Variants in ACOT11 observed in about 807,000 individuals in gnomAD.
ACOT11 encodes the protein acyl-CoA thioesterase 11, also known as acyl-coenzyme A thioesterase 11.
A neutral mutation model predicts 77.5 loss-of-function variants in ACOT11; 69 were observed. The ratio of observed to expected loss-of-function variants is 0.89; its 90% CI spans 0.73 to 1.09. The LOEUF is 1.09. Ranked by LOEUF, ACOT11 falls within the 50% of genes least tolerant of loss-of-function variation. The pLI is 0.00. For synonymous variants in ACOT11, 279 were observed against 313.0 expected, an observed-to-expected ratio of 0.89 and a Z score of 1.15; for missense variants, 766 against 813.7, an observed-to-expected ratio of 0.94 and a Z score of 0.71.
At chr1:54,611,817 A>C, downstream of ACOT11, 1 of 1,578,860 alleles carries the variant, frequency 6.3e-7, no homozygotes. Flanking sequence ...CTGTGCTCAG[A>C]ACTGGATGTC....
intron 16 of ACOT11, among the ~76,000 whole-genome samples, chr1:54,633,421 T>C (rs1157171717): frequency 6.6e-6 from 1 of 152,232 alleles, no homozygotes; most frequent in South Asian, 2.1e-4. Flanking sequence ...ACAGCCAGGA[T>C]TGCCTTCTCC....
intron 15 of ACOT11, among the ~76,000 whole-genome samples, chr1:54,608,435 G>A (rs999625677): frequency 2.6e-5 from 4 of 152,070 alleles, no homozygotes; most frequent in African/African-American, 9.7e-5. Context: ...TGGAAAACAT[G>A]GGGAGGAGGC....
At chr1:54,548,569 G>C (rs759787403) in intron 1 of ACOT11, 6 of 608,322 alleles carry the variant, frequency 9.9e-6, no homozygotes, top group Non-Finnish European at 1.5e-5. Flanking sequence ...CGGGCTGGCT[G>C]TGTAGAGTGG....
chr1:54,600,561 T>G (rs1473414394), intron 8 of ACOT11, among the ~76,000 whole-genome samples: 1 of 152,148 alleles, frequency 6.6e-6, no homozygotes, highest in Non-Finnish European at 1.5e-5. Context: ...CACACACCTG[T>G]AATCCCAGCT....
In ACOT11 at chr1:54,584,712, A is replaced by G; in HGVS notation, c.91A>G (p.Asn31Asp). 6.2e-7 allele frequency: 1 copy of G among 1,614,100 alleles called. No homozygotes were observed. Among genetic ancestry groups the G allele is most frequent in the South Asian group, 1.1e-5 (1 of 91,084 alleles). The change falls in exon 2 of 16, where the codon AAC becomes GAC. Residue 31 changes from asparagine to aspartate, a missense_variant. Transcript: ENST00000343744. This position sits in a 1 kb window ranked among gnomAD's most constrained non-coding sequence, Gnocchi z 6.3. ...TSRKSALRAG[N>D]DSAMADGEGY... is the part of the protein sequence containing the mutation. ...CCGGAAGTCAGCCTTACGTGCGGGG[A>G]ACGACAGTGCCATGGCAGACGGCGA... is the stretch of plus-strand genomic sequence containing the variant.
chr1:54,606,373 C>T (rs1055352463), intron 13 of ACOT11, among the ~76,000 whole-genome samples: 3 of 152,194 alleles, frequency 2.0e-5, no homozygotes, highest in Non-Finnish European at 4.4e-5. Context: ...TCCCCATACC[C>T]TGCCTACTGC....
chr1:54,587,550 CTTTTTTT>C (rs33913350), intron 3 of ACOT11, among the ~76,000 whole-genome samples: 5 of 73,564 alleles, frequency 6.8e-5, no homozygotes, highest in African/African-American at 1.8e-4. Flanking sequence ...GTTTGTAATC[CTTTTTTT>C]TTTTTTTTTT....
At chr1:54,618,231 C>T (rs993903658) in intron 15 of ACOT11, among the ~76,000 whole-genome samples, 9 of 152,246 alleles carry the variant, frequency 5.9e-5, no homozygotes, top group East Asian at 1.9e-4. Flanking sequence ...CAGCCGGGCG[C>T]GGTGGCTCAG....
At chr1:54,593,357 AC>A (rs139579141) in intron 4 of ACOT11, among the ~76,000 whole-genome samples, 8,303 of 151,364 alleles carry the variant, frequency 0.055, 246 homozygotes, top group Middle Eastern at 0.15. Context: ...GCTCACTGTA[AC>A]CTCAAACTCC....
At chr1:54,594,084 G>C (rs1161121172) in intron 5 of ACOT11, 45 bp downstream of exon 5, 1 of 1,552,778 alleles carries the variant, frequency 6.4e-7, no homozygotes, top group Non-Finnish European at 8.9e-7. Flanking sequence ...CAGTGACCTG[G>C]GCACCTGCCA....
intron 1 of ACOT11, among the ~76,000 whole-genome samples, chr1:54,573,525 G>C (rs541691591): frequency 5.3e-5 from 8 of 152,204 alleles, no homozygotes; most frequent in Non-Finnish European, 1.0e-4. Context: ...TTGAGGCTAG[G>C]AGTTCGAGAT....
At chr1:54,581,766 C>G (rs1411114208) in intron 1 of ACOT11, among the ~76,000 whole-genome samples, 1 of 152,148 alleles carries the variant, frequency 6.6e-6, no homozygotes, top group Non-Finnish European at 1.5e-5. Flanking sequence ...TATCCAGGGC[C>G]TCTCCTCTCC....
intron 8 of ACOT11, 75 bp from the exon 9 acceptor site, chr1:54,601,184 TGTGTGTGTGA>T (rs1643958871): frequency 2.6e-6 from 4 of 1,511,840 alleles, no homozygotes; most frequent in African/African-American, 1.4e-5. Context: ...TGTGTGCATG[TGTGTGTGTGA>T]GTGTGTGTGT....
At chr1:54,623,440 G>T in intron 15 of ACOT11, 1 of 1,448,784 alleles carries the variant, frequency 6.9e-7, no homozygotes, top group Non-Finnish European at 9.7e-7. Flanking sequence ...GCGGCCCAGA[G>T]TCCCTGAGGC....
At chr1:54,626,249 G>A (rs1644271926) in intron 15 of ACOT11, among the ~76,000 whole-genome samples, 2 of 151,582 alleles carry the variant, frequency 1.3e-5, no homozygotes, top group African/African-American at 4.9e-5. Context: ...CAGCCTGAGC[G>A]ACAGAGTGAG....
Position 54,569,456 on chromosome 1 carries a change from C to A in ACOT11, c.34-15199C>A, listed in dbSNP as rs568946. Among the ~76,000 whole-genome samples the A allele has an allele frequency of 4.8e-3, 724 of 152,264 alleles. 5 individuals carry two copies. The highest frequency in any genetic ancestry group is 0.017 in the African/African-American group (706 of 41,562). ...CAGCCTGGCCCCCTCACTGTCCCTC[C>A]GACGGCCTGGTTGTCATCCTGAGCC... is the stretch of plus-strand genomic sequence containing the variant. On this transcript the variant is annotated intron_variant, in intron 1 of 15. Transcript: ENST00000343744.
Position 54,609,036 on chromosome 1 carries a change from A to G in ACOT11, c.1709A>G (p.Tyr570Cys). 1 of 1,614,026 alleles carries G rather than the reference A, an allele frequency of 6.2e-7. No individual in the cohort carries two copies. Among genetic ancestry groups the G allele is most frequent in the Non-Finnish European group, 8.5e-7 (1 of 1,179,980 alleles). Residue 570 changes from tyrosine (Y) to cysteine (C), a missense_variant, in exon 16 of 16, where the codon TAC (tyrosine) becomes TGC (cysteine). By Grantham distance (194) the Tyr-to-Cys change is radical. Coordinates refer to ENST00000343744, the MANE Select transcript of ACOT11 (RefSeq NM_147161.4). The part of the protein sequence containing the change: ...TNVAGLSSEF[Y>C]TTFKACEQFL... The stretch of plus-strand genomic sequence containing the variant: ...GTGGCCGGCCTCTCCTCTGAGTTCT[A>G]CACCACCTTCAAGGCTTGTGAGCAG...
chr1:54,605,335 C>G, intron 13 of ACOT11, 126 bp downstream of exon 13: 1 of 1,417,416 alleles, frequency 7.1e-7, no homozygotes, highest in Non-Finnish European at 9.3e-7. Flanking sequence ...GGTTGGAGTT[C>G]CATGCTGGGT....
At chr1:54,623,911 C>T (rs953896569) in intron 15 of ACOT11, among the ~76,000 whole-genome samples, 3 of 152,216 alleles carry the variant, frequency 2.0e-5, no homozygotes, top group African/African-American at 7.2e-5. Context: ...CCTGCATTAT[C>T]AGGCAAGGGT....
Sources: gnomAD v4.1 joint callset for allele counts (sites outside exome capture counted in the v4.1 genomes callset) on GRCh38, gnomAD v4.1.1 for gene constraint, Gnocchi (gnomAD v3.1) non-coding constraint, MANE v1.5 for transcripts, NCBI Gene and HGNC (gene_info 2026-07-23, HGNC 2026-07-21) for gene names.